PLD1: variants seen among roughly 807,000 people sequenced by gnomAD.
PLD1 encodes the protein choline phosphatase 1.
PLD1 carries 112 observed loss-of-function variants against 137.1 expected under a neutral mutation model. The observed-to-expected ratio is 0.82, with a 90% CI of 0.70 to 0.96. PLD1 has a LOEUF of 0.96. PLD1 is among the 40% of genes least tolerant of loss of function. The pLI, the probability that PLD1 is intolerant of heterozygous loss-of-function variation, is 0.00. For missense variants in PLD1, 1,321 were observed against 1,342.0 expected (o/e 0.98, Z 0.24); for synonymous variants, 431 against 454.7 (o/e 0.95, Z 0.66).
At chr3:171,650,861 T>C (rs754642194) in intron 21 of PLD1, among the ~76,000 whole-genome samples, 10 of 151,592 alleles carry the variant, frequency 6.6e-5, no homozygotes, top group Non-Finnish European at 1.2e-4. Context: ...ATCGCGGCAC[T>C]GCACTCCAGC....
At chr3:171,672,951 C>T (rs1712942726) in intron 19 of PLD1, among the ~76,000 whole-genome samples, 1 of 152,168 alleles carries the variant, frequency 6.6e-6, no homozygotes, top group South Asian at 2.1e-4. Flanking sequence ...TATGCTAAAA[C>T]TTCCTTCATT....
intron 1 of PLD1, among the ~76,000 whole-genome samples, chr3:171,742,998 C>T (rs1298253456): frequency 1.3e-5 from 2 of 151,888 alleles, no homozygotes; most frequent in African/African-American, 4.8e-5. Flanking sequence ...GATTATGTAC[C>T]TTGGACAGAA....
chr3:171,704,624 G>C (rs985840651), intron 11 of PLD1, among the ~76,000 whole-genome samples: 1 of 152,020 alleles, frequency 6.6e-6, no homozygotes, highest in Non-Finnish European at 1.5e-5. Flanking sequence ...AGACAAAAAA[G>C]TCTTATAGAA....
At chr3:171,790,458 G>A (rs1450669281) in intron 1 of PLD1, among the ~76,000 whole-genome samples, 1 of 152,192 alleles carries the variant, frequency 6.6e-6, no homozygotes, top group Non-Finnish European at 1.5e-5. Flanking sequence ...AGACACTAAA[G>A]AATCTCACTC....
chr3:171,737,746 A>G (rs1489943146), intron 2 of PLD1, 87 bp from the exon 3 acceptor site: 2 of 1,281,930 alleles, frequency 1.6e-6, no homozygotes, highest in African/African-American at 3.0e-5. Context: ...TCACGTGTTA[A>G]AACAAGTAAG....
intron 20 of PLD1, 34 bp downstream of exon 20, chr3:171,662,026 G>T: frequency 1.6e-6 from 2 of 1,220,762 alleles, no homozygotes; most frequent in Non-Finnish European, 2.4e-6. Context: ...AGGGAAGGCA[G>T]TTTCTCACAC....
rs1722288266 is a variant in PLD1, at chr3:171,770,747, G to A, written c.-31-32665C>T. 2.0e-5 allele frequency among the ~76,000 whole-genome samples: 3 copies of A among 151,790 alleles called. No homozygotes were observed. In the South Asian group the frequency reaches 6.2e-4, roughly 32 times the overall value. ...AAAGTATAAAAAAAAAAATTAGCTG[G>A]GTGCGGTGGCATGCACCTGTAATCC... On this transcript the variant is annotated intron_variant, in intron 1 of 26. Coordinates refer to ENST00000351298, the MANE Select transcript of PLD1 (RefSeq NM_002662.5).
At chr3:171,608,189 G>C (rs1039809810) in intron 25 of PLD1, among the ~76,000 whole-genome samples, 1 of 152,058 alleles carries the variant, frequency 6.6e-6, no homozygotes, top group Non-Finnish European at 1.5e-5. Context: ...CATAAGATCA[G>C]CATTAAAAAA....
At chr3:171,709,471 G>T in intron 10 of PLD1, 89 bp downstream of exon 10, 1 of 1,116,338 alleles carries the variant, frequency 9.0e-7, no homozygotes, top group Non-Finnish European at 1.3e-6. Flanking sequence ...ATCTTTCACA[G>T]TTTTGAAAAC....
chr3:171,699,728 T>A lies in PLD1; in HGVS notation c.1227+17A>T. 1.3e-6 allele frequency: 2 copies of A among 1,576,854 alleles called. No homozygotes were observed. ...CAGTTAAAAAATTATATCAGCATTT[T>A]CTGGGAAAGTACATACTGCTTTTCG... is the stretch of plus-strand genomic sequence containing the variant. On this transcript the variant is annotated intron_variant, in intron 12 of 26. Coordinates refer to ENST00000351298, the MANE Select transcript of PLD1 (RefSeq NM_002662.5).
At chr3:171,706,425 T>C (rs1716702054) in intron 11 of PLD1, among the ~76,000 whole-genome samples, 1 of 148,504 alleles carries the variant, frequency 6.7e-6, no homozygotes, top group Non-Finnish European at 1.5e-5. Flanking sequence ...CATGTATTCT[T>C]TTACCTGGAA....
chr3:171,764,874 A>AGGAAAGAAAGAAAG lies in PLD1; in HGVS notation c.-31-26793_-31-26792insCTTTCTTTCTTTCC, dbSNP rs1491189380. On this transcript the variant is annotated intron_variant, in intron 1 of 26. Coordinates refer to ENST00000351298, the MANE Select transcript of PLD1 (RefSeq NM_002662.5). ...AAGAAAGAAAGAAAGAAAGAAAGAA[A>AGGAAAGAAAGAAAG]GAAAGAAAGAAAGAAAGAAAGGAAG... 8.4e-4 allele frequency among the ~76,000 whole-genome samples: 20 copies of AGGAAAGAAAGAAAG among 23,790 alleles called. 2 individuals are homozygous for AGGAAAGAAAGAAAG. The highest frequency in any genetic ancestry group is 1.6e-3 in the Non-Finnish European group (17 of 10,856). 15.6% of individuals were successfully genotyped at this position (23,790 alleles called of 152,430 possible).
chr3:171,625,300 G>A (rs1324574388), intron 23 of PLD1, among the ~76,000 whole-genome samples: 1 of 152,272 alleles, frequency 6.6e-6, no homozygotes, highest in Admixed American at 6.5e-5. Context: ...GAGGCTGGGG[G>A]AGGGGCGCCT....
chr3:171,670,259 A>G (rs556700362), intron 19 of PLD1, among the ~76,000 whole-genome samples: 33 of 152,368 alleles, frequency 2.2e-4, no homozygotes, highest in Admixed American at 4.6e-4. Flanking sequence ...TGGTATTTCA[A>G]AAGAGCTGGA....
intron 11 of PLD1, among the ~76,000 whole-genome samples, chr3:171,706,218 T>C (rs559030739): frequency 2.0e-5 from 3 of 152,124 alleles, no homozygotes; most frequent in South Asian, 4.2e-4. Flanking sequence ...ACCACTTACA[T>C]TGTACCCTTT....
intron 19 of PLD1, among the ~76,000 whole-genome samples, chr3:171,668,741 T>C (rs1712421011): frequency 6.6e-6 from 1 of 152,196 alleles, no homozygotes. Flanking sequence ...CTATGAGCTT[T>C]AAAAAGGATT....
intron 21 of PLD1, among the ~76,000 whole-genome samples, chr3:171,657,631 T>C (rs1239944205): frequency 1.3e-5 from 2 of 152,054 alleles, no homozygotes; most frequent in East Asian, 1.9e-4. Context: ...TCACCCCATA[T>C]ATAAAAAGTA....
chr3:171,700,746 A>G (rs1056620842), intron 11 of PLD1, among the ~76,000 whole-genome samples: 4 of 152,182 alleles, frequency 2.6e-5, no homozygotes, highest in African/African-American at 9.7e-5. Flanking sequence ...GTCGGCTGAT[A>G]TATGAAATTT....
intron 25 of PLD1, among the ~76,000 whole-genome samples, chr3:171,609,934 G>A (rs931249203): frequency 4.6e-5 from 7 of 152,024 alleles, no homozygotes; most frequent in Non-Finnish European, 8.8e-5. Context: ...ACCTTCCATC[G>A]TAATGGGCAA....
Sources: allele counts gnomAD v4.1 joint callset (sites outside exome capture counted in the v4.1 genomes callset), GRCh38; gene constraint gnomAD v4.1.1; transcripts MANE v1.5; gene names NCBI Gene and HGNC (gene_info 2026-07-23, HGNC 2026-07-21).